Variants in PDE10A observed in about 807,000 individuals in gnomAD.
PDE10A encodes cAMP and cAMP-inhibited cGMP 3',5'-cyclic phosphodiesterase 10A.
Under a neutral mutation model 97.7 loss-of-function variants are expected in PDE10A, and 39 were observed. The observed-to-expected ratio is 0.40, with a 90% CI of 0.31 to 0.52. PDE10A has a LOEUF of 0.52. Among genes scored for constraint, PDE10A ranks in the 20% least tolerant of loss-of-function variants. The probability of loss-of-function intolerance (pLI) is 0.56; values close to 1 mark genes in which losing one functional copy is unlikely to be tolerated. For synonymous variants in PDE10A, 371 were observed against 376.8 expected, an observed-to-expected ratio of 0.98 and a Z score of 0.18; for missense variants, 731 against 1,047.8, an observed-to-expected ratio of 0.70 and a Z score of 4.17.
At chr6:165,629,369 C>G (rs1053458339) in intron 1 of PDE10A, among the ~76,000 whole-genome samples, 2 of 152,132 alleles carry the variant, frequency 1.3e-5, no homozygotes, top group Non-Finnish European at 1.5e-5. Context: ...CACTTTTTCA[C>G]CTAACTGCAG....
intron 1 of PDE10A, among the ~76,000 whole-genome samples, chr6:165,690,456 T>G (rs1453735803): frequency 6.6e-6 from 1 of 152,226 alleles, no homozygotes; most frequent in Admixed American, 6.5e-5. Context: ...AGCCTGGCTC[T>G]CCTCCAGTTC....
Position 165,379,376 on chromosome 6 carries a change from A to T in PDE10A, c.2611-10T>A. On this transcript the variant is annotated splice_polypyrimidine_tract_variant and intron_variant, in intron 17 of 21. Coordinates refer to ENST00000539869, the MANE Select transcript of PDE10A (RefSeq NM_001385079.1). Reference sequence around the variant, plus strand: ...TATTGTGCCCTTCCAACTAGGGAAAAAATACAAATAAAAACCACCAATAAC... The same window carrying T: ...TATTGTGCCCTTCCAACTAGGGAAATAATACAAATAAAAACCACCAATAAC... The T allele has an allele frequency of 6.3e-7, 1 of 1,599,892 alleles. No individual in the cohort carries two copies. The highest frequency in any genetic ancestry group is 8.5e-7 in the Non-Finnish European group (1 of 1,174,056).
chr6:165,912,079 CATCT>C (rs1267083397), intron 1 of PDE10A, among the ~76,000 whole-genome samples: 1 of 151,852 alleles, frequency 6.6e-6, no homozygotes, highest in African/African-American at 2.4e-5. Flanking sequence ...CTCTATCAAT[CATCT>C]ATCATCTATA....
chr6:165,451,503 C>G (rs954249151), intron 3 of PDE10A, among the ~76,000 whole-genome samples: 1 of 152,198 alleles, frequency 6.6e-6, no homozygotes, highest in African/African-American at 2.4e-5. Flanking sequence ...CAGTAACACA[C>G]CATGTGCTGC....
chr6:165,710,034 G>C (rs1048208076), intron 1 of PDE10A, among the ~76,000 whole-genome samples: 2 of 151,940 alleles, frequency 1.3e-5, no homozygotes, highest in South Asian at 2.1e-4. Context: ...GCTCAGCCCT[G>C]AACATACCAA....
chr6:165,488,293 C>G (rs988406556), intron 2 of PDE10A, among the ~76,000 whole-genome samples: 3 of 152,074 alleles, frequency 2.0e-5, no homozygotes, highest in African/African-American at 7.2e-5. Context: ...CATCTTTGAT[C>G]CAAACCTCAT....
At position 165,392,815 on chromosome 6, in the gene PDE10A, G is replaced by A. The variant is rs762736423; in HGVS notation, c.2304-19C>T. The A allele has an allele frequency of 6.2e-7, 1 of 1,611,822 alleles. No homozygotes were observed. Among genetic ancestry groups the A allele is most frequent in the Non-Finnish European group, 8.5e-7 (1 of 1,178,412 alleles). Reference sequence around the variant, plus strand: ...CTCAAAGCTGCATGGAAAAGAAATTGTTATGACTGAAACCAGTAGAGAATC... The same window carrying A: ...CTCAAAGCTGCATGGAAAAGAAATTATTATGACTGAAACCAGTAGAGAATC... On this transcript the variant is annotated intron_variant, in intron 15 of 21. Coordinates refer to ENST00000539869, the MANE Select transcript of PDE10A (RefSeq NM_001385079.1).
chr6:165,597,527 T>C (rs796804756), intron 1 of PDE10A, among the ~76,000 whole-genome samples: 3 of 152,360 alleles, frequency 2.0e-5, no homozygotes, highest in African/African-American at 7.2e-5. Flanking sequence ...TCTGGGTTGA[T>C]GGTTAAAGTG....
chr6:165,409,264 T>C (rs1248681645), intron 13 of PDE10A, among the ~76,000 whole-genome samples: 1 of 145,694 alleles, frequency 6.9e-6, no homozygotes, highest in African/African-American at 2.5e-5. Flanking sequence ...TAATCAGCTT[T>C]GGCTGGGCGA....
intron 2 of PDE10A, among the ~76,000 whole-genome samples, chr6:165,502,169 A>T (rs942962768): frequency 6.6e-6 from 1 of 152,208 alleles, no homozygotes; most frequent in African/African-American, 2.4e-5. Context: ...AAACTGTAAA[A>T]TGTGTATAAG....
At chr6:165,869,319 T>A (rs1319759046) in intron 1 of PDE10A, among the ~76,000 whole-genome samples, 1 of 148,278 alleles carries the variant, frequency 6.7e-6, no homozygotes. Flanking sequence ...TGAAAAAAAA[T>A]CCAGAAAGCA....
intron 1 of PDE10A, among the ~76,000 whole-genome samples, chr6:165,580,225 GGA>G (rs1296982954): frequency 1.6e-4 from 25 of 152,112 alleles, no homozygotes; most frequent in African/African-American, 5.8e-4. Flanking sequence ...CTTGGGGTCA[GGA>G]GAGAGTCATG....
intron 1 of PDE10A, among the ~76,000 whole-genome samples, chr6:165,637,584 G>A (rs902780938): frequency 6.6e-6 from 1 of 152,200 alleles, no homozygotes; most frequent in Non-Finnish European, 1.5e-5. Flanking sequence ...GTGTCGGGCA[G>A]CATAACAGGG....
At chr6:165,768,561 C>A (rs529551090) in intron 1 of PDE10A, among the ~76,000 whole-genome samples, 1 of 151,988 alleles carries the variant, frequency 6.6e-6, no homozygotes, top group Non-Finnish European at 1.5e-5. Flanking sequence ...TTTTTAATAA[C>A]GTTTGAACAC....
At chr6:165,862,092 T>A (rs1780921385) in intron 1 of PDE10A, among the ~76,000 whole-genome samples, 1 of 152,286 alleles carries the variant, frequency 6.6e-6, no homozygotes, top group Admixed American at 6.5e-5. Context: ...ACTACACCCA[T>A]TCCCACATTC....
intron 14 of PDE10A, among the ~76,000 whole-genome samples, 177 bp from the exon 15 acceptor site, chr6:165,395,441 A>G (rs536299933): frequency 1.3e-5 from 2 of 152,342 alleles, no homozygotes; most frequent in African/African-American, 4.8e-5. Flanking sequence ...GGAAGAAACT[A>G]AACATATTGC....
In PDE10A at chr6:165,616,258, C is replaced by CGTAGGTT. The variant is rs1347234510; in HGVS notation, c.865+45688_865+45689insAACCTAC. Among the ~76,000 whole-genome samples, 284 of 152,166 alleles carry CGTAGGTT rather than the reference C, an allele frequency of 1.9e-3. 2 individuals are homozygous for CGTAGGTT. Among genetic ancestry groups the CGTAGGTT allele is most frequent in the African/African-American group, 6.6e-3 (274 of 41,520 alleles). On this transcript the variant is annotated intron_variant, in intron 1 of 21. Transcript: ENST00000539869. ...TCCTACCAGGAACCAACTGACAAAA[C>CGTAGGTT]GATTCTGAAAATAAGAGGTCCCTGT...
At chr6:165,499,547 C>A (rs1343377439) in intron 2 of PDE10A, among the ~76,000 whole-genome samples, 1 of 152,166 alleles carries the variant, frequency 6.6e-6, no homozygotes, top group Non-Finnish European at 1.5e-5. Context: ...AGCTCATGGA[C>A]AATTCTGAAT....
At chr6:165,844,925 C>G (rs1355194645) in intron 1 of PDE10A, among the ~76,000 whole-genome samples, 2 of 152,132 alleles carry the variant, frequency 1.3e-5, no homozygotes, top group East Asian at 3.9e-4. Context: ...AAAGGCGATT[C>G]TTATTAACCC....
Sources: gnomAD v4.1 joint callset for allele counts (sites outside exome capture counted in the v4.1 genomes callset) on GRCh38, gnomAD v4.1.1 for gene constraint, MANE v1.5 for transcripts, NCBI Gene and HGNC (gene_info 2026-07-23, HGNC 2026-07-21) for gene names.